The following STK32B variants were observed in gnomAD, a reference collection of about 807,000 sequenced individuals.
STK32B encodes the protein serine/threonine kinase 32B, also known as serine/threonine-protein kinase 32B.
Under a neutral mutation model 52.6 loss-of-function variants are expected in STK32B, and 43 were observed. The observed-to-expected ratio is 0.82, with a 90% CI of 0.64 to 1.05. STK32B has a LOEUF of 1.05. Ranked by LOEUF, STK32B falls within the 50% of genes least tolerant of loss-of-function variation. The probability of loss-of-function intolerance (pLI) is 0.00; values close to 1 mark genes in which losing one functional copy is unlikely to be tolerated. For synonymous variants in STK32B, 238 were observed against 204.3 expected (o/e 1.17, Z -1.41); for missense variants, 621 against 534.6 (o/e 1.16, Z -1.59).
intron 2 of STK32B, among the ~76,000 whole-genome samples, chr4:5,154,864 T>C (rs1717668408): frequency 6.6e-6 from 1 of 152,168 alleles, no homozygotes; most frequent in Non-Finnish European, 1.5e-5. Flanking sequence ...ACAGCAACTC[T>C]TGGTCTAGAC....
chr4:5,494,784 C>G (rs1448780321), intron 11 of STK32B, among the ~76,000 whole-genome samples: 3 of 152,184 alleles, frequency 2.0e-5, no homozygotes, highest in Non-Finnish European at 4.4e-5. Context: ...GTGACAAAAT[C>G]TCTCAGCGTT....
chr4:5,259,738 G>A (rs573807702), intron 3 of STK32B, among the ~76,000 whole-genome samples: 1 of 152,204 alleles, frequency 6.6e-6, no homozygotes, highest in East Asian at 1.9e-4. Context: ...TGAGAGCTCT[G>A]AGGCCCAACT....
At chr4:5,086,768 G>A (rs6853545) in intron 1 of STK32B, among the ~76,000 whole-genome samples, 25,701 of 152,116 alleles carry the variant, frequency 0.17, 2,723 homozygotes, top group East Asian at 0.41. Flanking sequence ...CTCTGTGGAG[G>A]CCAGAAGGCA....
intron 3 of STK32B, among the ~76,000 whole-genome samples, chr4:5,253,020 T>TG (rs1726047689): frequency 6.6e-6 from 1 of 152,178 alleles, no homozygotes; most frequent in Non-Finnish European, 1.5e-5. Flanking sequence ...GGCTTGTGCT[T>TG]GCTCTTTGTG....
chr4:5,304,427 T>G (rs1441107765), intron 3 of STK32B, among the ~76,000 whole-genome samples: 4 of 151,604 alleles, frequency 2.6e-5, no homozygotes, highest in Non-Finnish European at 5.9e-5. Flanking sequence ...TTTATGGTTT[T>G]TTTTTTTTTT....
chr4:5,025,116 G>C, the STK32B span, among the ~76,000 whole-genome samples: 6 of 146,770 alleles, frequency 4.1e-5, no homozygotes, highest in South Asian at 1.3e-3. Context: ...TGGGAGGGGG[G>C]AATCCTTGAC....
At chr4:5,143,842 T>G (rs546355930) in intron 2 of STK32B, among the ~76,000 whole-genome samples, 181 of 106,746 alleles carry the variant, frequency 1.7e-3, no homozygotes, top group African/African-American at 4.8e-3. Context: ...CTTCCTCCAT[T>G]AGCACCCTTC....
At chr4:5,289,025 A>T (rs1454674517) in intron 3 of STK32B, among the ~76,000 whole-genome samples, 5 of 152,194 alleles carry the variant, frequency 3.3e-5, no homozygotes, top group Non-Finnish European at 7.3e-5. Flanking sequence ...CTTGACAGGG[A>T]TACATTCTGA....
chr4:5,257,408 T>G (rs1726395048), intron 3 of STK32B, among the ~76,000 whole-genome samples: 1 of 151,998 alleles, frequency 6.6e-6, no homozygotes. Context: ...AGTGAATGAT[T>G]AAGTGAGTGA....
Position 5,242,263 on chromosome 4 carries a change from G to T in STK32B, c.260+73813G>T, listed in dbSNP as rs574447501. Among the ~76,000 whole-genome samples the T allele has an allele frequency of 1.0e-3, 159 of 152,214 alleles. 1 individual carries two copies. The South Asian group carries it at 0.015, about 15-fold the overall frequency. On this transcript the variant is annotated intron_variant, in intron 3 of 11. Transcript: ENST00000282908. ...GTTGTTTACTGACTTTTTAATGATC[G>T]CCATTCTAACTGGTGTGAGATGGTA...
chr4:5,024,422 A>G, the STK32B span, among the ~76,000 whole-genome samples: 27 of 152,158 alleles, frequency 1.8e-4, no homozygotes, highest in Admixed American at 1.8e-3. Context: ...TACTTGGCCA[A>G]TGTCCACAAT....
At chr4:5,387,026 C>T (rs190505946) in intron 4 of STK32B, among the ~76,000 whole-genome samples, 31 of 152,312 alleles carry the variant, frequency 2.0e-4, no homozygotes, top group African/African-American at 6.3e-4. Context: ...TGAGAGACCA[C>T]GTGATCGTGG....
intron 3 of STK32B, among the ~76,000 whole-genome samples, chr4:5,260,033 A>G (rs1266045610): frequency 6.6e-6 from 1 of 151,906 alleles, no homozygotes; most frequent in Non-Finnish European, 1.5e-5. Context: ...CCTGCTTCTT[A>G]TGACTTATCC....
rs1424444827 is a variant in STK32B at position 5,337,673 on chromosome 4, TG to T, written c.434+6282del. On this transcript the variant is annotated intron_variant, in intron 4 of 11. Transcript: ENST00000282908. ...CCTGGCCTTGAGAGATTTATTTAGC[TG>T]GTAAAGAATCTGAAGTTGAGTTACG... is the stretch of plus-strand genomic sequence containing the variant. 3.3e-5 allele frequency among the ~76,000 whole-genome samples: 5 copies of T among 151,800 alleles called. No homozygotes were observed. In the East Asian group the frequency reaches 9.7e-4, roughly 29 times the overall value.
rs1187927723 is a variant in STK32B at position 5,468,066 on chromosome 4, G to T, written c.1102G>T (p.Glu368Ter). 6.2e-7 allele frequency: 1 copy of T among 1,614,148 alleles called. No individual in the cohort carries two copies. The highest frequency in any genetic ancestry group is 1.1e-5 in the South Asian group (1 of 91,078). ...GGAGGAATTCATCATATTCAACAGA[G>T]AGAAGTAAGTCCTTCATACTGTCCC... is the stretch of plus-strand genomic sequence containing the variant. ...VREEFIIFNR[E>*]KLRRQQGQGS... The change falls in exon 11 of 12, where the codon GAG (glutamate) becomes TAG (stop). Residue 368 changes from glutamate to a stop codon, truncating the protein, a stop_gained. Transcript: ENST00000282908. LOFTEE classifies it high-confidence loss of function.
At chr4:5,068,125 A>G (rs192241146) in intron 1 of STK32B, among the ~76,000 whole-genome samples, 14 of 152,256 alleles carry the variant, frequency 9.2e-5, no homozygotes, top group African/African-American at 3.4e-4. Context: ...ACCAACCTAT[A>G]CAATTCATCC....
At chr4:5,145,666 C>G (rs557716463) in intron 2 of STK32B, among the ~76,000 whole-genome samples, 34 of 152,132 alleles carry the variant, frequency 2.2e-4, no homozygotes, top group Admixed American at 1.8e-3. Flanking sequence ...TTTTGAGATT[C>G]ATTTGTATTG....
chr4:5,308,375 G>A (rs963566676), intron 3 of STK32B, among the ~76,000 whole-genome samples: 1 of 152,194 alleles, frequency 6.6e-6, no homozygotes, highest in African/African-American at 2.4e-5. Flanking sequence ...AGTGGAAGCT[G>A]CAAGTTAGTC....
Position 5,394,485 on chromosome 4 carries a change from ATTC to A in STK32B, c.435-3719_435-3717del, listed in dbSNP as rs1445645228. On this transcript the variant is annotated intron_variant, in intron 4 of 11. Transcript: ENST00000282908. This position sits in a 1 kb window ranked among gnomAD's most constrained non-coding sequence, Gnocchi z 4.2. Reference sequence around the variant, plus strand: ...TAAGATGCTTTACCCATAAAATGCTATTCTTATTAAATCCCAAGTGATTCAGAT... The same window carrying A: ...TAAGATGCTTTACCCATAAAATGCTATTATTAAATCCCAAGTGATTCAGAT... 9.2e-5 allele frequency among the ~76,000 whole-genome samples: 14 copies of A among 152,318 alleles called. No individual in the cohort carries two copies. Among genetic ancestry groups the A allele is most frequent in the Admixed American group, 3.3e-4 (5 of 15,296 alleles).
Sources: allele counts gnomAD v4.1 joint callset (sites outside exome capture counted in the v4.1 genomes callset), GRCh38; gene constraint gnomAD v4.1.1; non-coding constraint Gnocchi (gnomAD v3.1); transcripts MANE v1.5; gene names NCBI Gene and HGNC (gene_info 2026-07-23, HGNC 2026-07-21).